Variants in GALC observed in about 807,000 individuals in gnomAD.
The protein encoded by GALC is galactocerebrosidase.
GALC carries 77 observed loss-of-function variants against 91.8 expected under a neutral mutation model. That is an observed-to-expected ratio of 0.84 (90% confidence interval 0.70 to 1.01). The LOEUF is 1.01. GALC is among the 50% of genes least tolerant of loss of function. The pLI is 0.00. For synonymous variants in GALC, 357 were observed against 306.7 expected, an observed-to-expected ratio of 1.16 and a Z score of -1.71; for missense variants, 882 against 855.9, an observed-to-expected ratio of 1.03 and a Z score of -0.38.
Position 87,992,982 on chromosome 14 carries a change from G to A in GALC, c.183C>T (p.Val61=). 1 of 1,526,806 alleles carries A rather than the reference G, an allele frequency of 6.5e-7. No homozygotes were observed. The highest frequency in any genetic ancestry group is 8.7e-7 in the Non-Finnish European group (1 of 1,146,238). 94.6% of individuals were successfully genotyped at this position (1,526,806 alleles called of 1,614,324 possible). A position where few individuals can be genotyped will look rare whatever the true frequency, so the allele number is the denominator to read the frequency against. Reference sequence around the variant, plus strand: ...GCTTGCCGCTCACCCCGCCGCCGCTGACCGCGCCGATGCCGTCGAACTCCC... The same window carrying A: ...GCTTGCCGCTCACCCCGCCGCCGCTAACCGCGCCGATGCCGTCGAACTCCC... ...LGREFDGIGA[V]SGGGATSRLL... The change falls in exon 1 of 17, where the codon GTC becomes GTT. Residue 61 remains valine, a synonymous_variant. Transcript: ENST00000261304.
Position 87,964,065 on chromosome 14 carries a change from G to A in GALC, c.1034-554C>T, listed in dbSNP as rs543699564. On this transcript the variant is annotated intron_variant, in intron 9 of 16. Transcript: ENST00000261304. ...GGCCAACAATTTCAACATTCAAGGC[G>A]CTGATATACAAGTCTAACCTTAATT... is the stretch of plus-strand genomic sequence containing the variant. 7.2e-5 allele frequency among the ~76,000 whole-genome samples: 11 copies of A among 151,840 alleles called. No individual in the cohort carries two copies. In the South Asian group the frequency reaches 1.5e-3, roughly 20 times the overall value.
intron 16 of GALC, among the ~76,000 whole-genome samples, chr14:87,936,916 A>ATATATATATATATATATATATATATAT (rs1431339979): frequency 7.2e-6 from 1 of 139,570 alleles, no homozygotes; most frequent in African/African-American, 2.8e-5. Context: ...ATATATATTT[A>ATATATATATATATATATATATATATAT]TTTATTTTCT....
intron 7 of GALC, 80 bp from the exon 8 acceptor site, chr14:87,968,570 A>G: frequency 2.2e-6 from 3 of 1,359,182 alleles, no homozygotes; most frequent in Non-Finnish European, 3.1e-6. Flanking sequence ...TTGAGTATAT[A>G]AAAATACGAG....
At chr14:87,993,459 A>AG (rs1555384458), upstream of GALC, 1 of 1,535,860 alleles carries the variant, frequency 6.5e-7, no homozygotes. Flanking sequence ...CGCCAAAGGA[A>AG]GAGGGCCATG....
At chr14:87,978,017 T>C (rs1886576317) in intron 6 of GALC, among the ~76,000 whole-genome samples, 1 of 152,286 alleles carries the variant, frequency 6.6e-6, no homozygotes, top group Middle Eastern at 3.4e-3. Flanking sequence ...CCTATCCCTC[T>C]AGCAGGAGGA....
chr14:87,972,102 T>C (rs766109784), intron 7 of GALC, among the ~76,000 whole-genome samples: 9 of 151,964 alleles, frequency 5.9e-5, no homozygotes, highest in Non-Finnish European at 8.8e-5. Context: ...CTGAACAAAA[T>C]TGCAATAGCC....
chr14:87,965,340 A>G (rs938334725), intron 9 of GALC, among the ~76,000 whole-genome samples, 165 bp downstream of exon 9: 5 of 152,150 alleles, frequency 3.3e-5, no homozygotes, highest in African/African-American at 9.7e-5. Context: ...AGAGTAGTCT[A>G]GTTACCCAAA....
intron 1 of GALC, among the ~76,000 whole-genome samples, chr14:87,990,375 G>A (rs1009244750): frequency 3.9e-5 from 6 of 152,092 alleles, no homozygotes; most frequent in Admixed American, 1.3e-4. Flanking sequence ...ATTGTAAAGT[G>A]GGCTATCTTA....
rs538158353 is a variant in GALC at position 87,953,131 on chromosome 14, T to C, written c.1162-2383A>G. The C allele has an allele frequency of 9.5e-5, 142 of 1,496,058 alleles. No individual in the cohort carries two copies. In the African/African-American group the frequency reaches 1.9e-3, roughly 20 times the overall value. The allele number at this position is 1,496,058 out of a possible 1,614,324, so 92.7% of individuals were successfully genotyped here. ...AACCAGTGTTTGGGATTATTTTCCT[T>C]GAACACAGTAGATAAGCCAAGGTCT... On this transcript the variant is annotated intron_variant, in intron 10 of 16. Coordinates refer to ENST00000261304, the MANE Select transcript of GALC (RefSeq NM_000153.4).
intron 10 of GALC, chr14:87,953,539 C>A: frequency 5.6e-6 from 9 of 1,609,186 alleles, no homozygotes; most frequent in Non-Finnish European, 6.8e-6. Flanking sequence ...AGATGAACTG[C>A]CACCAAATGA....
rs189853941 is a variant in GALC at position 87,992,951 on chromosome 14, C to A, written c.195+19G>T. 6 of 1,509,368 alleles carry A rather than the reference C, an allele frequency of 4.0e-6. No individual in the cohort carries two copies. The South Asian group carries it at 6.1e-5, about 15-fold the overall frequency. The allele number at this position is 1,509,368 out of a possible 1,614,324, so 93.5% of individuals were successfully genotyped here. On this transcript the variant is annotated intron_variant, in intron 1 of 16. Transcript: ENST00000261304. ...GGGCTCTTGCCGCCCCCCGCGTATCCCCGCAGCTTGCCGCTCACCCCGCCG... is the reference window on the plus strand; with the variant it reads ...GGGCTCTTGCCGCCCCCCGCGTATCACCGCAGCTTGCCGCTCACCCCGCCG...
chr14:87,934,844 G>T lies in GALC; in HGVS notation c.1946C>A (p.Ser649Tyr). The change falls in exon 17 of 17, where the codon TCT becomes TAT. Residue 649 changes from serine (S) to tyrosine (Y), a missense_variant. Coordinates refer to ENST00000261304, the MANE Select transcript of GALC (RefSeq NM_000153.4). The stretch of plus-strand genomic sequence containing the variant: ...ATTCACAGGGATGTCTGTCCACAGA[G>T]ACTTGTCATTCAGCATGCCAGAGGT... The part of the protein sequence containing the change: ...HFTSGMLNDK[S>Y]LWTDIPVNFP... 1 of 1,612,712 alleles carries T rather than the reference G, an allele frequency of 6.2e-7. No homozygotes were observed. Among genetic ancestry groups the T allele is most frequent in the Non-Finnish European group, 8.5e-7 (1 of 1,179,024 alleles).
intron 3 of GALC, chr14:87,987,624 C>T (rs1887028288): frequency 6.4e-6 from 1 of 156,484 alleles, no homozygotes; most frequent in Non-Finnish European, 1.4e-5. Context: ...TTCTTTTCTT[C>T]TTCCTGGAAA....
At chr14:87,965,446 T>G (rs1885994788) in intron 9 of GALC, 59 bp downstream of exon 9, 3 of 1,574,058 alleles carry the variant, frequency 1.9e-6, no homozygotes, top group East Asian at 4.5e-5. Context: ...CTCTAAGTTT[T>G]TTTCTGCTTT....
rs989072067 is a variant in GALC, at chr14:87,989,202, C to T, written c.196-679G>A. ...AAGCAAAAAATAAATAAAAAGAGGC[C>T]GGTTTTTGGCATGAAACAGTAGCCT... On this transcript the variant is annotated intron_variant, in intron 1 of 16. Coordinates refer to ENST00000261304, the MANE Select transcript of GALC (RefSeq NM_000153.4). Among the ~76,000 whole-genome samples the T allele has an allele frequency of 7.2e-5, 11 of 152,242 alleles. No homozygotes were observed. In the East Asian group the frequency reaches 1.2e-3, roughly 16 times the overall value.
At chr14:87,949,128 T>C (rs1010321777) in intron 12 of GALC, among the ~76,000 whole-genome samples, 2 of 150,130 alleles carry the variant, frequency 1.3e-5, no homozygotes, top group South Asian at 2.1e-4. Flanking sequence ...GAAAAGACAC[T>C]TGAATTGAGT....
intron 12 of GALC, among the ~76,000 whole-genome samples, chr14:87,949,063 G>C (rs531625848): frequency 8.2e-4 from 124 of 152,048 alleles, no homozygotes; most frequent in Non-Finnish European, 1.6e-3. Context: ...ATTTAACTAG[G>C]TAAGCACATG....
intron 6 of GALC, among the ~76,000 whole-genome samples, chr14:87,980,209 C>T (rs1448969870): frequency 6.6e-6 from 1 of 151,980 alleles, no homozygotes; most frequent in African/African-American, 2.4e-5. Context: ...GGTGAATCCC[C>T]GTCTCTACTA....
chr14:87,947,683 T>A (rs778097277), intron 13 of GALC, 45 bp downstream of exon 13: 2 of 1,572,278 alleles, frequency 1.3e-6, no homozygotes, highest in East Asian at 4.5e-5. Flanking sequence ...AACACACTAC[T>A]GTTAAATATA....
Sources: allele counts gnomAD v4.1 joint callset (sites outside exome capture counted in the v4.1 genomes callset), GRCh38; gene constraint gnomAD v4.1.1; transcripts MANE v1.5; gene names NCBI Gene and HGNC (gene_info 2026-07-23, HGNC 2026-07-21).